Variants in SDK1 observed in about 807,000 individuals in gnomAD.
The protein encoded by SDK1 is sidekick cell adhesion molecule 1, also known as protein sidekick-1.
Under a neutral mutation model 245.5 loss-of-function variants are expected in SDK1, and 157 were observed. The observed-to-expected ratio is 0.64, with a 90% CI of 0.56 to 0.73. The LOEUF (loss-of-function observed/expected upper bound fraction) is 0.73, where lower values mean the gene tolerates loss of function less well. SDK1 is among the 30% of genes least tolerant of loss of function. SDK1 has a pLI of 0.00. For missense variants in SDK1, 3,583 were observed against 3,002.3 expected (o/e 1.19, Z -4.52); for synonymous variants, 1,647 against 1,278.5 (o/e 1.29, Z -6.15).
intron 38 of SDK1, among the ~76,000 whole-genome samples, chr7:4,217,504 G>A (rs1339190306): frequency 1.5e-4 from 16 of 104,190 alleles, no homozygotes; most frequent in South Asian, 3.4e-4. Flanking sequence ...CACACCACCC[G>A]GAGCACCACA....
chr7:3,674,542 G>A (rs777514282), intron 4 of SDK1, among the ~76,000 whole-genome samples: 59 of 152,306 alleles, frequency 3.9e-4, no homozygotes, highest in Non-Finnish European at 7.6e-4. Flanking sequence ...TTTGGTGAGG[G>A]ATGTAGTGTG....
chr7:3,609,751 A>AGT (rs1679171089), intron 1 of SDK1, among the ~76,000 whole-genome samples: 1 of 145,068 alleles, frequency 6.9e-6, no homozygotes, highest in Admixed American at 7.1e-5. Context: ...CCCAGGCTAG[A>AGT]GTGCAGTGGC....
chr7:4,250,745 C>A (rs562725123), intron 44 of SDK1, among the ~76,000 whole-genome samples: 8 of 152,290 alleles, frequency 5.3e-5, no homozygotes, highest in African/African-American at 7.2e-5. Context: ...CCCTCCTAGT[C>A]CCCAACCCCA....
chr7:3,306,257 C>G (rs1034389515), intron 1 of SDK1, among the ~76,000 whole-genome samples: 2 of 151,844 alleles, frequency 1.3e-5, no homozygotes, highest in Non-Finnish European at 2.9e-5. Flanking sequence ...TGTATGTAAC[C>G]CCTTCCATCT....
chr7:3,570,198 G>T (rs1468905494), intron 1 of SDK1, among the ~76,000 whole-genome samples: 2 of 152,096 alleles, frequency 1.3e-5, no homozygotes, highest in Non-Finnish European at 2.9e-5. Context: ...TGGTTTCATG[G>T]AAGATAGTTT....
chr7:3,712,615 G>A (rs1438147273), intron 4 of SDK1, among the ~76,000 whole-genome samples: 1 of 152,118 alleles, frequency 6.6e-6, no homozygotes. Flanking sequence ...GCATTATAAC[G>A]ATATTGTCAT....
intron 5 of SDK1, among the ~76,000 whole-genome samples, chr7:3,932,756 T>A (rs188802577): frequency 2.0e-5 from 3 of 152,358 alleles, no homozygotes; most frequent in Non-Finnish European, 2.9e-5. Flanking sequence ...TGGCCTTGTT[T>A]TCTCTGCTCC....
chr7:3,975,134 GCT>G (rs1392024485), intron 13 of SDK1, among the ~76,000 whole-genome samples: 1 of 152,128 alleles, frequency 6.6e-6, no homozygotes, highest in Non-Finnish European at 1.5e-5. Flanking sequence ...CCCCGTCTCT[GCT>G]CTCTTTCTCC....
At chr7:3,778,758 G>A (rs1182341873) in intron 4 of SDK1, among the ~76,000 whole-genome samples, 3 of 152,194 alleles carry the variant, frequency 2.0e-5, no homozygotes, top group Non-Finnish European at 4.4e-5. Context: ...ACAAAATGAT[G>A]AGTTCATAAT....
intron 4 of SDK1, among the ~76,000 whole-genome samples, chr7:3,706,427 A>C (rs1289567452): frequency 6.6e-6 from 1 of 151,982 alleles, no homozygotes; most frequent in African/African-American, 2.4e-5. Flanking sequence ...TTTTTTATGG[A>C]GTCTTGCTCT....
chr7:3,966,816 C>T lies in SDK1; in HGVS notation c.1430-502C>T, dbSNP rs545146926. Among the ~76,000 whole-genome samples, 11 of 152,130 alleles carry T rather than the reference C, an allele frequency of 7.2e-5. No homozygotes were observed. In the South Asian group the frequency reaches 2.1e-3, roughly 29 times the overall value. ...TCCTCCTGCCTCCACCTCCCAAGTA[C>T]GTGGGACTATAGGCCTGCACCACCA... On this transcript the variant is annotated intron_variant, in intron 9 of 44. Transcript: ENST00000404826.
chr7:3,796,870 T>A (rs1778973226), intron 4 of SDK1, among the ~76,000 whole-genome samples: 1 of 152,178 alleles, frequency 6.6e-6, no homozygotes, highest in Non-Finnish European at 1.5e-5. Flanking sequence ...TCAAGTATAT[T>A]ACATAAATTT....
chr7:3,907,400 C>A (rs374901349), intron 5 of SDK1, among the ~76,000 whole-genome samples: 3 of 152,138 alleles, frequency 2.0e-5, no homozygotes, highest in Admixed American at 1.3e-4. Flanking sequence ...ATTTTACTTA[C>A]CGTAATGTTT....
intron 43 of SDK1, 37 bp downstream of exon 43, chr7:4,241,950 T>A: frequency 6.2e-7 from 1 of 1,605,874 alleles, no homozygotes; most frequent in Non-Finnish European, 8.5e-7. Flanking sequence ...CACCTGGGGA[T>A]CTGAGCTGCC....
In SDK1 at chr7:4,089,987, C is replaced by T. The variant is rs534804880; in HGVS notation, c.3324+10403C>T. 1.2e-4 allele frequency among the ~76,000 whole-genome samples: 19 copies of T among 152,304 alleles called. 1 individual carries two copies. The highest frequency in any genetic ancestry group is 4.6e-4 in the African/African-American group (19 of 41,570). The stretch of plus-strand genomic sequence containing the variant: ...TGAAGACTACAGGCCGGTTATTTCC[C>T]TGATTCCCCTCAATTTGGATTTATC... On this transcript the variant is annotated intron_variant, in intron 22 of 44. Transcript: ENST00000404826.
intron 1 of SDK1, among the ~76,000 whole-genome samples, chr7:3,533,893 CTG>C (rs904893462): frequency 4.6e-5 from 7 of 151,758 alleles, no homozygotes; most frequent in African/African-American, 7.3e-5. Flanking sequence ...ATTAAAAAAA[CTG>C]TTATTTTCTT....
intron 1 of SDK1, among the ~76,000 whole-genome samples, chr7:3,579,225 C>T (rs1261881098): frequency 6.7e-6 from 1 of 149,688 alleles, no homozygotes; most frequent in African/African-American, 2.4e-5. Context: ...GGCAGAGATG[C>T]AGAAAAAAAT....
chr7:3,658,252 C>T (rs1783249316), intron 4 of SDK1, among the ~76,000 whole-genome samples: 1 of 152,186 alleles, frequency 6.6e-6, no homozygotes, highest in African/African-American at 2.4e-5. Flanking sequence ...CCATTCTTTG[C>T]TGTAATGAGA....
intron 4 of SDK1, among the ~76,000 whole-genome samples, chr7:3,794,957 ATGT>A (rs1475500959): frequency 6.6e-6 from 1 of 151,908 alleles, no homozygotes; most frequent in Non-Finnish European, 1.5e-5. Context: ...ATCACTATTC[ATGT>A]TGTTGTTACT....
Sources: gnomAD v4.1 joint callset for allele counts (sites outside exome capture counted in the v4.1 genomes callset) on GRCh38, gnomAD v4.1.1 for gene constraint, MANE v1.5 for transcripts, NCBI Gene and HGNC (gene_info 2026-07-23, HGNC 2026-07-21) for gene names.